Variants in MFSD6 observed in about 807,000 individuals in gnomAD.
MFSD6 encodes the protein major facilitator superfamily domain containing 6.
Under a neutral mutation model 56.3 loss-of-function variants are expected in MFSD6, and 26 were observed. The observed-to-expected ratio is 0.46, with a 90% CI of 0.34 to 0.64. The LOEUF (loss-of-function observed/expected upper bound fraction) is 0.64. Ranked by LOEUF, MFSD6 falls within the 30% of genes least tolerant of loss-of-function variation. The pLI, the probability that MFSD6 is intolerant of heterozygous loss-of-function variation, is 0.01. For synonymous variants in MFSD6, 331 were observed against 366.9 expected, an observed-to-expected ratio of 0.90 and a Z score of 1.12; for missense variants, 750 against 986.2, an observed-to-expected ratio of 0.76 and a Z score of 3.21.
chr2:190,411,931 T>G, intron 1 of MFSD6: 1 of 985,456 alleles, frequency 1.0e-6, no homozygotes, highest in Non-Finnish European at 1.2e-6. Flanking sequence ...GAAGCATGAT[T>G]GTTCTGTACA....
In MFSD6 at chr2:190,462,936, A is replaced by G. The variant is rs1170680767; in HGVS notation, c.1533-6822A>G. On this transcript the variant is annotated intron_variant, in intron 3 of 7. Transcript: ENST00000392328. This position sits in a 1 kb window ranked among gnomAD's most constrained non-coding sequence, Gnocchi z 5.7. The stretch of plus-strand genomic sequence containing the variant: ...CATTCTAGCACTAGAGGAGGGTACC[A>G]TGATGTAACTCAGGCCACCTTCTTG... 2.0e-5 allele frequency among the ~76,000 whole-genome samples: 3 copies of G among 152,166 alleles called. No homozygotes were observed. Among genetic ancestry groups the G allele is most frequent in the African/African-American group, 4.8e-5 (2 of 41,420 alleles).
chr2:190,434,949 T>A lies in MFSD6; in HGVS notation c.-53-1028T>A, dbSNP rs936148883. 4.6e-5 allele frequency among the ~76,000 whole-genome samples: 7 copies of A among 152,162 alleles called. No individual in the cohort carries two copies. Among genetic ancestry groups the A allele is most frequent in the African/African-American group, 1.7e-4 (7 of 41,436 alleles). On this transcript the variant is annotated intron_variant, in intron 2 of 7. Coordinates refer to ENST00000392328, the MANE Select transcript of MFSD6 (RefSeq NM_017694.4). The surrounding 1 kb of genome is among the most constrained non-coding windows in gnomAD (Gnocchi z 4.3). Reference sequence around the variant, plus strand: ...GATCAGCAGAGGTATTAGATTTGCATAGGAGCATGAACGCTATTGTGAACT... The same window carrying A: ...GATCAGCAGAGGTATTAGATTTGCAAAGGAGCATGAACGCTATTGTGAACT...
At chr2:190,421,177 C>T (rs1685599467) in intron 2 of MFSD6, among the ~76,000 whole-genome samples, 1 of 152,192 alleles carries the variant, frequency 6.6e-6, no homozygotes, top group African/African-American at 2.4e-5. Context: ...TTCATAATCA[C>T]TTGGACAATT....
intron 2 of MFSD6, among the ~76,000 whole-genome samples, chr2:190,432,789 T>C (rs558169803): frequency 1.3e-5 from 2 of 152,198 alleles, no homozygotes; most frequent in East Asian, 1.9e-4. Flanking sequence ...CAGTCAGCTC[T>C]ATTTGAGCAC....
rs967394029 is a variant in MFSD6, at chr2:190,431,576, G to A, written c.-53-4401G>A. Reference sequence around the variant, plus strand: ...GAAAACCAGTCAGGTGTGGCGGCGCGCGCCTGCAATCGCAGGCACTTGGCA... The same window carrying A: ...GAAAACCAGTCAGGTGTGGCGGCGCACGCCTGCAATCGCAGGCACTTGGCA... On this transcript the variant is annotated intron_variant, in intron 2 of 7. Coordinates refer to ENST00000392328, the MANE Select transcript of MFSD6 (RefSeq NM_017694.4). This position sits in a 1 kb window ranked among gnomAD's most constrained non-coding sequence, Gnocchi z 4.4. Among the ~76,000 whole-genome samples the A allele has an allele frequency of 2.6e-5, 4 of 152,210 alleles. 1 individual carries two copies. The East Asian group carries it at 5.8e-4, about 22-fold the overall frequency.
Position 190,430,207 on chromosome 2 carries a change from C to CTT in MFSD6, c.-53-5755_-53-5754dup, listed in dbSNP as rs71027220. ...TTTTTATGGCTGCATAGTCCTCATTCTTTTTTTTTTTTTTTTAATTGATCA... is the reference window on the plus strand; with the variant it reads ...TTTTTATGGCTGCATAGTCCTCATTCTTTTTTTTTTTTTTTTTTAATTGATCA... On this transcript the variant is annotated intron_variant, in intron 2 of 7. Transcript: ENST00000392328. 4.9e-4 allele frequency among the ~76,000 whole-genome samples: 65 copies of CTT among 132,108 alleles called. 2 individuals carry two copies. The highest frequency in any genetic ancestry group is 2.1e-3 in the Admixed American group (28 of 13,070). 86.7% of individuals were successfully genotyped at this position (132,108 alleles called of 152,430 possible).
Position 190,434,447 on chromosome 2 carries a change from A to G in MFSD6, c.-53-1530A>G, listed in dbSNP as rs1026159647. Among the ~76,000 whole-genome samples the G allele has an allele frequency of 6.6e-6, 1 of 151,966 alleles. No individual in the cohort carries two copies. Among genetic ancestry groups the G allele is most frequent in the Non-Finnish European group, 1.5e-5 (1 of 67,976 alleles). On this transcript the variant is annotated intron_variant, in intron 2 of 7. Coordinates refer to ENST00000392328, the MANE Select transcript of MFSD6 (RefSeq NM_017694.4). The surrounding 1 kb of genome is among the most constrained non-coding windows in gnomAD (Gnocchi z 4.3). The stretch of plus-strand genomic sequence containing the variant: ...TTTATTTATTTTATTTTATTTATTT[A>G]TTTTTTTGAGACGGAGTCTCGCTCT...
At chr2:190,453,066 G>A (rs537030085) in intron 3 of MFSD6, among the ~76,000 whole-genome samples, 2 of 152,248 alleles carry the variant, frequency 1.3e-5, no homozygotes, top group Admixed American at 6.5e-5. Context: ...TCTGTTGGAG[G>A]TGGAAGACAG....
At chr2:190,481,948 C>T (rs964643854) in intron 4 of MFSD6, among the ~76,000 whole-genome samples, 1 of 152,228 alleles carries the variant, frequency 6.6e-6, no homozygotes, top group Non-Finnish European at 1.5e-5. Flanking sequence ...CTCACCATCT[C>T]TGTTTCCTTT....
chr2:190,441,265 G>T (rs377216926), intron 3 of MFSD6, among the ~76,000 whole-genome samples: 15 of 151,862 alleles, frequency 9.9e-5, no homozygotes, highest in Non-Finnish European at 1.6e-4. Flanking sequence ...ACTTGGGTTC[G>T]GCTAATGTAT....
chr2:190,449,866 G>A (rs1686711954), intron 3 of MFSD6, among the ~76,000 whole-genome samples: 1 of 152,070 alleles, frequency 6.6e-6, no homozygotes, highest in South Asian at 2.1e-4. Context: ...GACTGTTGTG[G>A]GGTGGGGGAA....
intron 1 of MFSD6, chr2:190,411,170 T>A: frequency 1.0e-6 from 1 of 980,164 alleles, no homozygotes; most frequent in Non-Finnish European, 1.2e-6. Flanking sequence ...AGTTTTTTTT[T>A]TTTTTTTTCA....
rs917539702 is a variant in MFSD6, at chr2:190,413,220, A to C, written c.-175-2072A>C. The stretch of plus-strand genomic sequence containing the variant: ...ACGTGTTGATGATTATGTTGAAGAG[A>C]TGTGAGTGAGAGTTCTGTATTACCT... On this transcript the variant is annotated intron_variant, in intron 1 of 7. Coordinates refer to ENST00000392328, the MANE Select transcript of MFSD6 (RefSeq NM_017694.4). The surrounding 1 kb of genome is among the most constrained non-coding windows in gnomAD (Gnocchi z 4.1). Among the ~76,000 whole-genome samples, 3 of 151,896 alleles carry C rather than the reference A, an allele frequency of 2.0e-5. No homozygotes were observed. Among genetic ancestry groups the C allele is most frequent in the South Asian group, 4.2e-4 (2 of 4,804 alleles).
rs780582370 is a variant in MFSD6 at position 190,467,192 on chromosome 2, CTCAG to C, written c.1533-2564_1533-2561del. Among the ~76,000 whole-genome samples, 2 of 152,214 alleles carry C rather than the reference CTCAG, an allele frequency of 1.3e-5. No individual in the cohort carries two copies. The highest frequency in any genetic ancestry group is 2.9e-5 in the Non-Finnish European group (2 of 68,042). On this transcript the variant is annotated intron_variant, in intron 3 of 7. Transcript: ENST00000392328. This position sits in a 1 kb window ranked among gnomAD's most constrained non-coding sequence, Gnocchi z 5.5. The stretch of plus-strand genomic sequence containing the variant: ...TTAGACCACTGGTTCTCCACCCTGG[CTCAG>C]TAAGAGAACAACCTGGGGAACTTTC...
rs190734085 is a variant in MFSD6 at position 190,431,382 on chromosome 2, G to A, written c.-53-4595G>A. Among the ~76,000 whole-genome samples the A allele has an allele frequency of 0.015, 2,354 of 152,318 alleles. 70 individuals carry two copies. Among genetic ancestry groups the A allele is most frequent in the African/African-American group, 0.053 (2,189 of 41,564 alleles). ...TGGGAGGTGGAGGTTGTAGCGAGCC[G>A]AGATCACCCCACTGCACTCCAGCCT... On this transcript the variant is annotated intron_variant, in intron 2 of 7. Coordinates refer to ENST00000392328, the MANE Select transcript of MFSD6 (RefSeq NM_017694.4). This position sits in a 1 kb window ranked among gnomAD's most constrained non-coding sequence, Gnocchi z 4.4.
rs149646936 is a variant in MFSD6 at position 190,443,003 on chromosome 2, A to G, written c.1532+5442A>G. 1.1e-4 allele frequency: 16 copies of G among 152,344 alleles called. No individual in the cohort carries two copies. The East Asian group carries it at 2.9e-3, about 28-fold the overall frequency. The allele number at this position is 152,344 out of a possible 1,614,324, so 9.4% of individuals were successfully genotyped here. A position where few individuals can be genotyped will look rare whatever the true frequency, so the allele number is the denominator to read the frequency against. ...AATGTTGGTCTGTGCTTTATTGCTT[A>G]AAGTAAGTATCCTTATGCTTGAGAA... On this transcript the variant is annotated intron_variant, in intron 3 of 7. Transcript: ENST00000392328. This position sits in a 1 kb window ranked among gnomAD's most constrained non-coding sequence, Gnocchi z 4.2.
rs1459375829 is a variant in MFSD6, at chr2:190,469,541, G to C, written c.1533-217G>C. On this transcript the variant is annotated intron_variant, in intron 3 of 7. Transcript: ENST00000392328. This position sits in a 1 kb window ranked among gnomAD's most constrained non-coding sequence, Gnocchi z 5.3. ...GAAAAGGCTGAGGGCAGATATGTTA[G>C]AAGCCATCTTCTTATTCCTAAATTC... 3 of 250,372 alleles carry C rather than the reference G, an allele frequency of 1.2e-5. No homozygotes were observed. The highest frequency in any genetic ancestry group is 2.2e-5 in the Non-Finnish European group (3 of 135,074). The allele number at this position is 250,372 out of a possible 1,614,324, so 15.5% of individuals were successfully genotyped here.
chr2:190,490,016 C>T lies in MFSD6; in HGVS notation c.1891+150C>T. On this transcript the variant is annotated intron_variant, in intron 6 of 7. Transcript: ENST00000392328. This position sits in a 1 kb window ranked among gnomAD's most constrained non-coding sequence, Gnocchi z 4.5. Reference sequence around the variant, plus strand: ...TGGCGTATCGATGAATTCATGTGGACTATTGTTAAAGAGATCCACCTACTA... The same window carrying T: ...TGGCGTATCGATGAATTCATGTGGATTATTGTTAAAGAGATCCACCTACTA... The T allele has an allele frequency of 3.2e-6, 2 of 616,090 alleles. No individual in the cohort carries two copies. Among genetic ancestry groups the T allele is most frequent in the Admixed American group, 6.7e-5 (2 of 29,964 alleles). 38.2% of individuals were successfully genotyped at this position (616,090 alleles called of 1,614,324 possible).
Position 190,490,567 on chromosome 2 carries a change from AAAAAAC to A in MFSD6, c.1891+707_1891+712del. On this transcript the variant is annotated intron_variant, in intron 6 of 7. Coordinates refer to ENST00000392328, the MANE Select transcript of MFSD6 (RefSeq NM_017694.4). The surrounding 1 kb of genome is among the most constrained non-coding windows in gnomAD (Gnocchi z 4.5). ...GAACGAGCAAGACTCCCTCTCAAAA[AAAAAAC>A]AAAAAACAAAGACAAAAATGTCAAG... Among the ~76,000 whole-genome samples the A allele has an allele frequency of 6.6e-6, 1 of 152,162 alleles. No homozygotes were observed. The highest frequency in any genetic ancestry group is 2.1e-4 in the South Asian group (1 of 4,822).
Sources: allele counts gnomAD v4.1 joint callset (sites outside exome capture counted in the v4.1 genomes callset), GRCh38; gene constraint gnomAD v4.1.1; non-coding constraint Gnocchi (gnomAD v3.1); transcripts MANE v1.5; gene names NCBI Gene and HGNC (gene_info 2026-07-23, HGNC 2026-07-21).